The following NOP9 variants were observed in gnomAD, a reference collection of about 807,000 sequenced individuals.
NOP9 encodes nucleolar protein 9.
In NOP9, 50 loss-of-function variants were observed where a neutral mutation model predicts 63.0. The observed-to-expected ratio is 0.79, with a 90% CI of 0.63 to 1.00. The LOEUF (loss-of-function observed/expected upper bound fraction) is 1.00, where lower values mean the gene tolerates loss of function less well. Among genes scored for constraint, NOP9 ranks in the 50% least tolerant of loss-of-function variants. The pLI is 0.00. For synonymous variants in NOP9, 343 were observed against 332.8 expected (o/e 1.03, Z -0.33); for missense variants, 758 against 803.0 (o/e 0.94, Z 0.68).
At chr14:24,304,342 T>C (rs1170956952) in intron 8 of NOP9, 65 bp downstream of exon 8, 1 of 1,428,788 alleles carries the variant, frequency 7.0e-7, no homozygotes, top group Non-Finnish European at 9.8e-7. Context: ...GAGCTTTCCC[T>C]GGACTGTACC....
the NOP9 span, among the ~76,000 whole-genome samples, chr14:24,277,767 GT>G: frequency 3.3e-5 from 5 of 152,198 alleles, no homozygotes; most frequent in African/African-American, 1.2e-4. Context: ...TGGGAGGAGG[GT>G]GGAAGGAGGC....
At chr14:24,285,557 C>T in the NOP9 span, among the ~76,000 whole-genome samples, 2 of 152,202 alleles carry the variant, frequency 1.3e-5, no homozygotes, top group African/African-American at 4.8e-5. Context: ...TGGGCTGTCT[C>T]TGTGGCCACC....
chr14:24,301,792 C>A, intron 3 of NOP9, 70 bp downstream of exon 3: 4 of 1,550,820 alleles, frequency 2.6e-6, no homozygotes, highest in Non-Finnish European at 2.7e-6. Context: ...CAAGCAAGGC[C>A]CTTACCTCAG....
At chr14:24,290,904 G>A in the NOP9 span, 1 of 1,614,030 alleles carries the variant, frequency 6.2e-7, no homozygotes, top group South Asian at 1.1e-5. Flanking sequence ...TGGGCACACG[G>A]AGGAAGGAGG....
intron 2 of NOP9, among the ~76,000 whole-genome samples, chr14:24,301,266 G>A (rs1367548607): frequency 6.6e-6 from 1 of 151,922 alleles, no homozygotes; most frequent in African/African-American, 2.4e-5. Context: ...AATGCTAGTT[G>A]AGACCACTAA....
Position 24,306,900 on chromosome 14 carries a change from T to G in NOP9, c.*1805T>G. ...TCCAGAAGTGTTTTCAGTAATAGTG[T>G]TTAACCTTTTTGAGTCCTTACTCTG... On this transcript the variant is annotated 3_prime_UTR_variant, in exon 10 of 10. Transcript: ENST00000267425. 1 of 303,666 alleles carries G rather than the reference T, an allele frequency of 3.3e-6. No individual in the cohort carries two copies. The highest frequency in any genetic ancestry group is 6.3e-6 in the Non-Finnish European group (1 of 158,720). 18.8% of individuals were successfully genotyped at this position (303,666 alleles called of 1,614,324 possible).
At chr14:24,290,857 G>A in the NOP9 span, 1 of 1,613,696 alleles carries the variant, frequency 6.2e-7, no homozygotes. Context: ...AGACCAGGAG[G>A]GTTAGAACTT....
Position 24,308,094 on chromosome 14 carries a change from A to T in NOP9, c.*2999A>T. On this transcript the variant is annotated 3_prime_UTR_variant, in exon 10 of 10. Coordinates refer to ENST00000267425, the MANE Select transcript of NOP9 (RefSeq NM_174913.3). Reference sequence around the variant, plus strand: ...GAGGAAGAATTGCCTGGCAAAAGCCATTGGAGCTTGTATGTGTGTCTTTGG... The same window carrying T: ...GAGGAAGAATTGCCTGGCAAAAGCCTTTGGAGCTTGTATGTGTGTCTTTGG... 1 of 575,962 alleles carries T rather than the reference A, an allele frequency of 1.7e-6. No homozygotes were observed. Among genetic ancestry groups the T allele is most frequent in the East Asian group, 3.0e-5 (1 of 33,884 alleles). The allele number at this position is 575,962 out of a possible 1,614,324, so 35.7% of individuals were successfully genotyped here.
the NOP9 span, chr14:24,291,526 T>G: frequency 6.2e-7 from 1 of 1,612,752 alleles, no homozygotes; most frequent in East Asian, 2.2e-5. Context: ...TCCATGCCCT[T>G]TCTTATTACC....
rs1373626797 is a variant in NOP9, at chr14:24,304,563, C to G, written c.1718C>G (p.Ala573Gly). 1 of 1,613,138 alleles carries G rather than the reference C, an allele frequency of 6.2e-7. No individual in the cohort carries two copies. The highest frequency in any genetic ancestry group is 2.2e-5 in the East Asian group (1 of 44,898). The change falls in exon 9 of 10, where the codon GCC (alanine) becomes GGC (glycine). Residue 573 changes from alanine to glycine, a missense_variant. Transcript: ENST00000267425. Reference protein sequence around the residue: ...RVLDAIWSGAALRARKEIAAE... With the variant: ...RVLDAIWSGAGLRARKEIAAE... The stretch of plus-strand genomic sequence containing the variant: ...CTAGATGCCATCTGGAGTGGAGCAG[C>G]CTTGAGGGCCCGGAAGGAAATTGCT...
At chr14:24,290,858 G>T in the NOP9 span, 1 of 1,613,778 alleles carries the variant, frequency 6.2e-7, no homozygotes, top group Non-Finnish European at 8.5e-7. Context: ...GACCAGGAGG[G>T]TTAGAACTTG....
chr14:24,307,091 A>T lies in NOP9; in HGVS notation c.*1996A>T, dbSNP rs1470225111. 8.7e-6 allele frequency: 3 copies of T among 346,524 alleles called. No homozygotes were observed. The highest frequency in any genetic ancestry group is 1.6e-5 in the Non-Finnish European group (3 of 189,310). The allele number at this position is 346,524 out of a possible 1,614,324, so 21.5% of individuals were successfully genotyped here. On this transcript the variant is annotated 3_prime_UTR_variant, in exon 10 of 10. Transcript: ENST00000267425. The stretch of plus-strand genomic sequence containing the variant: ...AGGAAGTGGCAGAATCAGAATTTGA[A>T]CTTGATTTGTCACACAAATCACCTT...
upstream of NOP9, among the ~76,000 whole-genome samples, chr14:24,298,441 C>G (rs1000935069): frequency 7.2e-5 from 11 of 152,140 alleles, no homozygotes; most frequent in African/African-American, 2.7e-4. Flanking sequence ...CATGGATACT[C>G]AAATATTTAT....
At chr14:24,296,530 T>A (rs371634027), upstream of NOP9, 1 of 1,614,094 alleles carries the variant, frequency 6.2e-7, no homozygotes, top group South Asian at 1.1e-5. Flanking sequence ...GTTGTTGATA[T>A]CATCCCACAT....
At chr14:24,273,049 A>T in the NOP9 span, among the ~76,000 whole-genome samples, 1 of 152,070 alleles carries the variant, frequency 6.6e-6, no homozygotes, top group Non-Finnish European at 1.5e-5. Flanking sequence ...AGCCTTTATG[A>T]GGTTCAGGGT....
chr14:24,276,614 T>G, the NOP9 span, among the ~76,000 whole-genome samples: 1 of 152,038 alleles, frequency 6.6e-6, no homozygotes, highest in African/African-American at 2.4e-5. Context: ...AATAACTGCA[T>G]GGGGCTAGTG....
chr14:24,308,023 G>A lies in NOP9; in HGVS notation c.*2928G>A. The A allele has an allele frequency of 1.5e-6, 1 of 669,788 alleles. No homozygotes were observed. The allele number at this position is 669,788 out of a possible 1,614,324, so 41.5% of individuals were successfully genotyped here. On this transcript the variant is annotated 3_prime_UTR_variant, in exon 10 of 10. Transcript: ENST00000267425. The stretch of plus-strand genomic sequence containing the variant: ...CCCCCCTGCCTGGCCAGTAAGAAGG[G>A]CAAAGTCCAAGGGGAGGGATGAGGG...
chr14:24,295,429 T>C (rs1197438381), upstream of NOP9, among the ~76,000 whole-genome samples: 4 of 152,188 alleles, frequency 2.6e-5, no homozygotes, highest in African/African-American at 9.7e-5. Context: ...TAAAGGAAAG[T>C]GCAGCCCAAG....
rs1179196451 is a variant in NOP9 at position 24,304,243 on chromosome 14, G to T, written c.1613G>T (p.Arg538Leu). The change falls in exon 8 of 10, where the codon CGC (arginine) becomes CTC (leucine). Residue 538 changes from arginine to leucine, a missense_variant. By Grantham distance (102) the Arg-to-Leu change is moderately radical. Transcript: ENST00000267425. The stretch of plus-strand genomic sequence containing the variant: ...ATCCTGACCAGCCCCTCTGTGACGC[G>T]CAAGCTGCGCCGCCGTGTGCTGCAG... ...DAILTSPSVTRKLRRRVLQNL... is the reference protein window; with the variant it reads ...DAILTSPSVTLKLRRRVLQNL... 4 of 1,614,008 alleles carry T rather than the reference G, an allele frequency of 2.5e-6. No homozygotes were observed. The highest frequency in any genetic ancestry group is 1.7e-5 in the Admixed American group (1 of 60,026).
Sources: allele counts gnomAD v4.1 joint callset (sites outside exome capture counted in the v4.1 genomes callset), GRCh38; gene constraint gnomAD v4.1.1; transcripts MANE v1.5; gene names NCBI Gene and HGNC (gene_info 2026-07-23, HGNC 2026-07-21).